ARHGAP18: variants seen among roughly 807,000 people sequenced by gnomAD.
ARHGAP18 encodes the protein Rho GTPase activating protein 18, also known as rho GTPase-activating protein 18.
In ARHGAP18, 67 loss-of-function variants were observed where a neutral mutation model predicts 86.2. The observed-to-expected ratio is 0.78, with a 90% CI of 0.64 to 0.95. The LOEUF is 0.95. Among genes scored for constraint, ARHGAP18 ranks in the 40% least tolerant of loss-of-function variants. The pLI, the probability that ARHGAP18 is intolerant of heterozygous loss-of-function variation, is 0.00. For missense variants in ARHGAP18, 691 were observed against 780.4 expected (o/e 0.89, Z 1.37); for synonymous variants, 283 against 280.4 (o/e 1.01, Z -0.09).
chr6:129,647,312 G>C (rs1773601026), intron 1 of ARHGAP18, among the ~76,000 whole-genome samples: 1 of 152,034 alleles, frequency 6.6e-6, no homozygotes, highest in Non-Finnish European at 1.5e-5. Context: ...AGATTTATTT[G>C]TAAGTAGGAT....
At chr6:129,627,966 A>G (rs552514647) in intron 5 of ARHGAP18, among the ~76,000 whole-genome samples, 2 of 152,240 alleles carry the variant, frequency 1.3e-5, no homozygotes, top group East Asian at 3.9e-4. Context: ...ATGTATTTCA[A>G]AATAACACAG....
intron 7 of ARHGAP18, among the ~76,000 whole-genome samples, chr6:129,615,674 T>G (rs967171746): frequency 6.6e-6 from 1 of 152,208 alleles, no homozygotes; most frequent in African/African-American, 2.4e-5. Flanking sequence ...CAATGATGGC[T>G]CAGAGGTTGG....
chr6:129,688,559 G>A (rs774668668), intron 1 of ARHGAP18, among the ~76,000 whole-genome samples: 16 of 152,132 alleles, frequency 1.1e-4, no homozygotes, highest in Admixed American at 2.0e-4. Context: ...TTGGGAGGCC[G>A]AGGCGGGTGG....
chr6:129,669,246 A>G (rs910381188), intron 1 of ARHGAP18, among the ~76,000 whole-genome samples: 3 of 150,918 alleles, frequency 2.0e-5, no homozygotes, highest in Admixed American at 6.6e-5. Context: ...GTCACGGCTC[A>G]CTGCAAGCTC....
At chr6:129,683,048 G>GTTCTTTT (rs1774350147) in intron 1 of ARHGAP18, among the ~76,000 whole-genome samples, 1 of 134,902 alleles carries the variant, frequency 7.4e-6, no homozygotes. Context: ...AATGTGTTTT[G>GTTCTTTT]TTTTTTCTTT....
At chr6:129,579,243 A>G (rs958272755) in intron 14 of ARHGAP18, among the ~76,000 whole-genome samples, 2 of 152,154 alleles carry the variant, frequency 1.3e-5, no homozygotes, top group African/African-American at 4.8e-5. Flanking sequence ...ATAAGAAATC[A>G]AATCTATTAA....
chr6:129,701,952 A>T (rs929339081), intron 1 of ARHGAP18, among the ~76,000 whole-genome samples: 1 of 152,202 alleles, frequency 6.6e-6, no homozygotes, highest in African/African-American at 2.4e-5. Context: ...AGTCTCCAAG[A>T]GAACAGAAAT....
intron 1 of ARHGAP18, among the ~76,000 whole-genome samples, chr6:129,709,601 G>C (rs1046329549): frequency 2.6e-5 from 4 of 152,236 alleles, no homozygotes; most frequent in Non-Finnish European, 4.4e-5. Flanking sequence ...ACAACAGCTT[G>C]TACAGTACAG....
chr6:129,683,510 T>G (rs974553620), intron 1 of ARHGAP18, among the ~76,000 whole-genome samples: 1 of 152,226 alleles, frequency 6.6e-6, no homozygotes, highest in Non-Finnish European at 1.5e-5. Context: ...AAAACATTGA[T>G]CACACGTTAA....
chr6:129,624,928 A>G (rs1271779776), intron 5 of ARHGAP18, among the ~76,000 whole-genome samples: 2 of 143,042 alleles, frequency 1.4e-5, no homozygotes, highest in African/African-American at 5.3e-5. Flanking sequence ...CTGGGTGACA[A>G]GAGTGAAACT....
chr6:129,664,423 A>G (rs1162370617), intron 1 of ARHGAP18, among the ~76,000 whole-genome samples: 2 of 150,846 alleles, frequency 1.3e-5, no homozygotes, highest in Non-Finnish European at 3.0e-5. Flanking sequence ...TTTTTTTTTC[A>G]ACTTTGAAAT....
chr6:129,601,484 G>GAAGAGAAGAGAGAA (rs935913687), intron 10 of ARHGAP18, among the ~76,000 whole-genome samples: 1 of 149,852 alleles, frequency 6.7e-6, no homozygotes, highest in Non-Finnish European at 1.5e-5. Flanking sequence ...AAAGAGAAGA[G>GAAGAGAAGAGAGAA]AAGAGAAGAG....
chr6:129,630,421 T>C (rs971650737), intron 4 of ARHGAP18, among the ~76,000 whole-genome samples: 1 of 152,220 alleles, frequency 6.6e-6, no homozygotes, highest in Non-Finnish European at 1.5e-5. Flanking sequence ...TTCTCACTGT[T>C]GACCTTTGAA....
At chr6:129,587,972 C>A (rs924511475) in intron 12 of ARHGAP18, among the ~76,000 whole-genome samples, 2 of 152,172 alleles carry the variant, frequency 1.3e-5, no homozygotes, top group African/African-American at 4.8e-5. Flanking sequence ...TATGAGCCTG[C>A]AAAATCAAAA....
chr6:129,661,882 AACAGCTGTTT>A, intron 1 of ARHGAP18: 2 of 985,350 alleles, frequency 2.0e-6, no homozygotes, highest in Non-Finnish European at 2.4e-6. Context: ...TTCAGAACCC[AACAGCTGTTT>A]AGAGCTGGTT....
At chr6:129,642,769 T>C (rs953516069) in intron 1 of ARHGAP18, among the ~76,000 whole-genome samples, 5 of 152,172 alleles carry the variant, frequency 3.3e-5, no homozygotes, top group Non-Finnish European at 7.4e-5. Flanking sequence ...TGAAGCACTA[T>C]TTGAATTTCC....
intron 5 of ARHGAP18, among the ~76,000 whole-genome samples, chr6:129,625,632 TATTTA>T (rs1445163596): frequency 3.7e-5 from 2 of 53,614 alleles, no homozygotes; most frequent in East Asian, 7.5e-4. Flanking sequence ...ATATTATATA[TATTTA>T]TATTATATAT....
rs962394127 is a variant in ARHGAP18, at chr6:129,577,633, C to T, written c.*880G>A. ...AGTAAAATACATTCTTCAACCATTA[C>T]TGGATTATACTATCATGCATATTTA... On this transcript the variant is annotated 3_prime_UTR_variant, in exon 15 of 15. Transcript: ENST00000368149. 2.6e-5 allele frequency: 4 copies of T among 152,022 alleles called. No individual in the cohort carries two copies. The highest frequency in any genetic ancestry group is 5.9e-5 in the Non-Finnish European group (4 of 67,990). The allele number at this position is 152,022 out of a possible 1,614,324, so 9.4% of individuals were successfully genotyped here. A position where few individuals can be genotyped will look rare whatever the true frequency, so the allele number is the denominator to read the frequency against.
At chr6:129,585,581 C>T (rs1333955455) in intron 12 of ARHGAP18, among the ~76,000 whole-genome samples, 1 of 152,162 alleles carries the variant, frequency 6.6e-6, no homozygotes, top group Non-Finnish European at 1.5e-5. Flanking sequence ...TCACAAAGGA[C>T]CTGACCATCA....
Sources: allele counts gnomAD v4.1 joint callset (sites outside exome capture counted in the v4.1 genomes callset), GRCh38; gene constraint gnomAD v4.1.1; transcripts MANE v1.5; gene names NCBI Gene and HGNC (gene_info 2026-07-23, HGNC 2026-07-21).